PMFBP1: variants seen among roughly 807,000 people sequenced by gnomAD.
PMFBP1 encodes the protein polyamine modulated factor 1 binding protein 1.
PMFBP1 carries 131 observed loss-of-function variants against 137.8 expected under a neutral mutation model. That is an observed-to-expected ratio of 0.95 (90% CI 0.82 to 1.10). The LOEUF is 1.10. PMFBP1 is among the 50% of genes least tolerant of loss of function. The pLI, the probability that PMFBP1 is intolerant of heterozygous loss-of-function variation, is 0.00. For missense variants in PMFBP1, 1,199 were observed against 1,175.4 expected (o/e 1.02, Z -0.29); for synonymous variants, 490 against 450.4 (o/e 1.09, Z -1.11).
chr16:72,118,358 T>C (rs2042328939), downstream of PMFBP1, among the ~76,000 whole-genome samples: 1 of 152,176 alleles, frequency 6.6e-6, no homozygotes, highest in Admixed American at 6.5e-5. Context: ...CACACTGCAT[T>C]TCTGGAACTG....
chr16:72,206,785 A>G, the PMFBP1 span, among the ~76,000 whole-genome samples: 2 of 152,222 alleles, frequency 1.3e-5, no homozygotes, highest in Non-Finnish European at 1.5e-5. Context: ...AACAATAGCA[A>G]AGGAGGCTAG....
At chr16:72,171,999 C>T (rs1353328100) in intron 1 of PMFBP1, 55 bp downstream of exon 1, 1 of 152,160 alleles carries the variant, frequency 6.6e-6, no homozygotes, top group Non-Finnish European at 1.5e-5. Context: ...TTAAAATCAT[C>T]TCATTCATTC....
intron 2 of PMFBP1, among the ~76,000 whole-genome samples, chr16:72,166,091 C>G (rs1567642335): frequency 6.6e-6 from 1 of 152,172 alleles, no homozygotes; most frequent in East Asian, 1.9e-4. Flanking sequence ...GTTACCGTTA[C>G]TGAGTTTTAA....
chr16:72,248,429 G>T, the PMFBP1 span, among the ~76,000 whole-genome samples: 3 of 152,090 alleles, frequency 2.0e-5, no homozygotes, highest in African/African-American at 7.2e-5. Flanking sequence ...ACCTGGGATA[G>T]GAAAATTACC....
chr16:72,175,642 T>G (rs2043256492), upstream of PMFBP1, among the ~76,000 whole-genome samples: 1 of 152,200 alleles, frequency 6.6e-6, no homozygotes, highest in Non-Finnish European at 1.5e-5. Context: ...AAAGAGATGC[T>G]TTTTTGGTTT....
intron 16 of PMFBP1, 75 bp from the exon 17 acceptor site, chr16:72,125,009 T>C: frequency 6.4e-7 from 1 of 1,554,050 alleles, no homozygotes; most frequent in Non-Finnish European, 8.8e-7. Context: ...GGCCAGAGGG[T>C]GCTTCCTGGG....
At chr16:72,133,953 C>T (rs914092350) in intron 9 of PMFBP1, among the ~76,000 whole-genome samples, 1 of 152,004 alleles carries the variant, frequency 6.6e-6, no homozygotes, top group Non-Finnish European at 1.5e-5. Context: ...ACCATCTCTA[C>T]TAAAAATACA....
chr16:72,153,963 T>C (rs200435297), intron 4 of PMFBP1, among the ~76,000 whole-genome samples: 129 of 111,802 alleles, frequency 1.2e-3, no homozygotes, highest in Admixed American at 4.0e-3. Flanking sequence ...CACACACACA[T>C]GCCTGCACAC....
chr16:72,245,525 G>C, the PMFBP1 span, among the ~76,000 whole-genome samples: 1 of 152,174 alleles, frequency 6.6e-6, no homozygotes, highest in Non-Finnish European at 1.5e-5. Context: ...TCAGAAAAGG[G>C]TGCACTGCCT....
At chr16:72,210,397 TA>T in the PMFBP1 span, among the ~76,000 whole-genome samples, 3 of 152,078 alleles carry the variant, frequency 2.0e-5, no homozygotes, top group African/African-American at 7.2e-5. Flanking sequence ...TTTTAGACTT[TA>T]AAAAGTTAAA....
At chr16:72,126,925 T>C (rs1461613624) in intron 14 of PMFBP1, among the ~76,000 whole-genome samples, 1 of 152,262 alleles carries the variant, frequency 6.6e-6, no homozygotes, top group Non-Finnish European at 1.5e-5. Flanking sequence ...GGAGTTTTTA[T>C]GATGATCAAA....
At chr16:72,238,514 T>C in the PMFBP1 span, among the ~76,000 whole-genome samples, 3 of 152,222 alleles carry the variant, frequency 2.0e-5, no homozygotes, top group Non-Finnish European at 4.4e-5. Context: ...TTTTTTCTTG[T>C]AAATTTGTTT....
the PMFBP1 span, among the ~76,000 whole-genome samples, chr16:72,195,809 C>T: frequency 3.9e-5 from 6 of 152,258 alleles, no homozygotes; most frequent in African/African-American, 1.4e-4. Context: ...CTGAGCTAGG[C>T]TTGGCCAGGG....
At chr16:72,242,187 C>T in the PMFBP1 span, among the ~76,000 whole-genome samples, 1 of 152,204 alleles carries the variant, frequency 6.6e-6, no homozygotes, top group Admixed American at 6.5e-5. Context: ...CCCGCAGTGA[C>T]TGTCTGGCAG....
the PMFBP1 span, among the ~76,000 whole-genome samples, chr16:72,239,885 C>CT: frequency 4.7e-5 from 1 of 21,402 alleles, no homozygotes; most frequent in Non-Finnish European, 9.0e-5. Flanking sequence ...ACTCCATGTA[C>CT]AAAAAAAAAA....
the PMFBP1 span, among the ~76,000 whole-genome samples, chr16:72,190,184 A>G: frequency 6.6e-6 from 1 of 152,198 alleles, no homozygotes; most frequent in African/African-American, 2.4e-5. Context: ...CCTCTCCCAT[A>G]ATCCTAATCT....
Position 72,128,773 on chromosome 16 carries a change from A to C in PMFBP1, c.1972T>G (p.Leu658Val). 1 of 1,614,170 alleles carries C rather than the reference A, an allele frequency of 6.2e-7. No individual in the cohort carries two copies. Among genetic ancestry groups the C allele is most frequent in the African/African-American group, 1.3e-5 (1 of 75,034 alleles). Residue 658 changes from leucine (L) to valine (V), a missense_variant, in exon 14 of 21, where the codon TTG becomes GTG. By Grantham distance (32) the Leu-to-Val change is conservative. Coordinates refer to ENST00000237353, the MANE Select transcript of PMFBP1 (RefSeq NM_031293.3). ...DKTLKENSRK[L>V]EEENENLRAE... ...CGGAGATTCTCATTTTCTTCCTCCA[A>C]CTTTCTGGAATTCTCTTTCAACTGT...
chr16:72,171,173 A>T, intron 2 of PMFBP1, 24 bp downstream of exon 2: 1 of 1,610,264 alleles, frequency 6.2e-7, no homozygotes. Context: ...AACTCCATGC[A>T]TGTAGAGGAG....
At chr16:72,220,096 G>A in the PMFBP1 span, among the ~76,000 whole-genome samples, 1 of 152,188 alleles carries the variant, frequency 6.6e-6, no homozygotes, top group East Asian at 1.9e-4. Context: ...GGAAATGAAC[G>A]GGCATAACTC....
Sources: gnomAD v4.1 joint callset for allele counts (sites outside exome capture counted in the v4.1 genomes callset) on GRCh38, gnomAD v4.1.1 for gene constraint, MANE v1.5 for transcripts, NCBI Gene and HGNC (gene_info 2026-07-23, HGNC 2026-07-21) for gene names.